The following MTCL1 variants were observed in gnomAD, a reference collection of about 807,000 sequenced individuals.
The protein encoded by MTCL1 is microtubule crosslinking factor 1.
MTCL1 carries 79 observed loss-of-function variants against 141.4 expected under a neutral mutation model. That is an observed-to-expected ratio of 0.56 (90% confidence interval 0.47 to 0.67). The LOEUF (loss-of-function observed/expected upper bound fraction) is 0.67. MTCL1 is among the 30% of genes least tolerant of loss of function. The pLI is 0.00. For synonymous variants in MTCL1, 914 were observed against 875.8 expected (o/e 1.04, Z -0.77); for missense variants, 2,177 against 2,113.9 (o/e 1.03, Z -0.59).
At chr18:8,825,157 C>T (rs2076977131) in exon 15 of MTCL1, 2 of 1,581,880 alleles carry the variant, frequency 1.3e-6, no homozygotes, top group Non-Finnish European at 1.7e-6. Context: ...CCCTTTCCCA[C>T]AAGCAGAGCC....
intron 6 of MTCL1, among the ~76,000 whole-genome samples, chr18:8,785,342 AG>A (rs2096548656): frequency 6.6e-6 from 1 of 152,194 alleles, no homozygotes; most frequent in African/African-American, 2.4e-5. Context: ...TAGGCAGCCC[AG>A]GCCCCCACTC....
chr18:8,785,679 T>C (rs1431425323), intron 6 of MTCL1: 5 of 485,368 alleles, frequency 1.0e-5, no homozygotes, highest in South Asian at 5.8e-5. Context: ...CTTTCTCTTT[T>C]TGCTTTTCAG....
rs140796802 is a variant in MTCL1 at position 8,783,864 on chromosome 18, C to G, written c.752C>G (p.Pro251Arg). The G allele has an allele frequency of 1.2e-4, 194 of 1,613,028 alleles. No homozygotes were observed. The highest frequency in any genetic ancestry group is 1.3e-4 in the Non-Finnish European group (158 of 1,179,902). The change falls in exon 6 of 17, where the codon CCG becomes CGG. Residue 251 changes from proline (P) to arginine (R), a missense_variant. Physicochemically the swap from Pro to Arg is moderately radical, Grantham distance 103. Transcript: ENST00000359865. ...CGGGGCCAGCAGGAGCGGGAGGGCCCGGGTCGGGACCACGCACCCAGCATT... is the reference window on the plus strand; with the variant it reads ...CGGGGCCAGCAGGAGCGGGAGGGCCGGGGTCGGGACCACGCACCCAGCATT...
chr18:8,816,021 T>G (rs1470110099), intron 12 of MTCL1, among the ~76,000 whole-genome samples: 2 of 152,204 alleles, frequency 1.3e-5, no homozygotes, highest in African/African-American at 4.8e-5. Flanking sequence ...TTAAACATTT[T>G]TAAAGAAGAC....
At chr18:8,720,261 C>T in intron 3 of MTCL1, 77 bp from the exon 3 acceptor site, 1 of 1,429,888 alleles carries the variant, frequency 7.0e-7, no homozygotes, top group Non-Finnish European at 9.7e-7. Flanking sequence ...ATGATTTTGC[C>T]TCTGATGTTG....
upstream of MTCL1, among the ~76,000 whole-genome samples, chr18:8,713,823 A>G (rs138850294): frequency 8.2e-3 from 1,242 of 152,194 alleles, 13 homozygotes; most frequent in African/African-American, 0.028. Flanking sequence ...TGTGCTTGTA[A>G]TCCCAGCTAC....
In MTCL1 at chr18:8,822,754, A is replaced by G. The variant is rs539326373; in HGVS notation, c.3188+1256A>G. Among the ~76,000 whole-genome samples the G allele has an allele frequency of 5.3e-5, 8 of 152,228 alleles. No individual in the cohort carries two copies. Among genetic ancestry groups the G allele is most frequent in the African/African-American group, 1.9e-4 (8 of 41,542 alleles). On this transcript the variant is annotated intron_variant, in intron 14 of 16. Coordinates refer to ENST00000359865, the Ensembl canonical transcript of MTCL1. This position sits in a 1 kb window ranked among gnomAD's most constrained non-coding sequence, Gnocchi z 4.6. ...ATGAAAGCAGCACATGGCACAAAAC[A>G]AACAGTAAACAGAGTTTAGTCATTA...
chr18:8,738,028 C>T (rs1598440087), intron 4 of MTCL1, among the ~76,000 whole-genome samples: 1 of 152,282 alleles, frequency 6.6e-6, no homozygotes, highest in East Asian at 1.9e-4. Context: ...TAAGAAGCAA[C>T]AGTTTAGTCA....
intron 8 of MTCL1, among the ~76,000 whole-genome samples, chr18:8,795,507 T>C (rs1467264986): frequency 6.6e-6 from 1 of 152,254 alleles, no homozygotes; most frequent in African/African-American, 2.4e-5. Flanking sequence ...TAATTGTTGC[T>C]TGAAAAAGTG....
chr18:8,789,652 G>A, intron 7 of MTCL1: 8 of 985,358 alleles, frequency 8.1e-6, no homozygotes, highest in Non-Finnish European at 7.2e-6. Flanking sequence ...ACAAGTGAGG[G>A]TGGTGGTGGT....
At chr18:8,732,634 C>T (rs566425703) in intron 4 of MTCL1, among the ~76,000 whole-genome samples, 3 of 152,222 alleles carry the variant, frequency 2.0e-5, no homozygotes, top group East Asian at 1.9e-4. Context: ...ATTGAAAAGA[C>T]GCCGAGTCAC....
chr18:8,730,676 A>G (rs977497161), intron 4 of MTCL1, among the ~76,000 whole-genome samples: 3 of 152,148 alleles, frequency 2.0e-5, no homozygotes, highest in Non-Finnish European at 4.4e-5. Context: ...TTTCCTGTGC[A>G]GTCTCGCCCA....
intron 4 of MTCL1, among the ~76,000 whole-genome samples, chr18:8,731,531 G>A (rs1401925061): frequency 1.3e-5 from 2 of 152,022 alleles, no homozygotes; most frequent in East Asian, 1.9e-4. Context: ...CCAAGATCGC[G>A]TCATCGCACT....
chr18:8,756,777 T>C (rs1033942342), intron 4 of MTCL1, among the ~76,000 whole-genome samples: 2 of 152,132 alleles, frequency 1.3e-5, no homozygotes, highest in Admixed American at 1.3e-4. Flanking sequence ...GCAGGGTGCT[T>C]CAAAAAGCCT....
chr18:8,747,556 C>T lies in MTCL1; in HGVS notation c.357+27060C>T, dbSNP rs145934044. On this transcript the variant is annotated intron_variant, in intron 4 of 16. Coordinates refer to ENST00000359865, the Ensembl canonical transcript of MTCL1. ...AGCTGCCTTCTCTGTGTGTGTGTCT[C>T]GTCCTCAGCTTATAAGGACACCAGT... Among the ~76,000 whole-genome samples the T allele has an allele frequency of 2.8e-3, 433 of 152,364 alleles. 4 individuals carry two copies. Among genetic ancestry groups the T allele is most frequent in the African/African-American group, 9.9e-3 (410 of 41,586 alleles).
intron 4 of MTCL1, among the ~76,000 whole-genome samples, chr18:8,766,327 A>C (rs2096459676): frequency 6.6e-6 from 1 of 151,566 alleles, no homozygotes; most frequent in African/African-American, 2.4e-5. Flanking sequence ...CCACTAGGTG[A>C]AGCATGAGTT....
At chr18:8,744,066 A>G (rs905687446) in intron 4 of MTCL1, among the ~76,000 whole-genome samples, 1 of 152,160 alleles carries the variant, frequency 6.6e-6, no homozygotes, top group Admixed American at 6.5e-5. Context: ...TTTATATTTC[A>G]TTTTTATATG....
chr18:8,718,733 G>C (rs1042029972), intron 3 of MTCL1, 85 bp downstream of exon 2: 30 of 1,206,548 alleles, frequency 2.5e-5, no homozygotes, highest in Admixed American at 2.4e-4. Context: ...TTTTTTCCCT[G>C]CTTGTGTCTG....
At chr18:8,794,076 C>G (rs556869259) in intron 8 of MTCL1, among the ~76,000 whole-genome samples, 1 of 152,314 alleles carries the variant, frequency 6.6e-6, no homozygotes, top group African/African-American at 2.4e-5. Flanking sequence ...ATGTATGACT[C>G]TTTTTAAGTG....
Sources: allele counts gnomAD v4.1 joint callset (sites outside exome capture counted in the v4.1 genomes callset), GRCh38; gene constraint gnomAD v4.1.1; non-coding constraint Gnocchi (gnomAD v3.1); transcripts MANE v1.5; gene names NCBI Gene and HGNC (gene_info 2026-07-23, HGNC 2026-07-21).